FAM240B: variants seen among roughly 807,000 people sequenced by gnomAD.
FAM240B encodes family with sequence similarity 240 member B.
intron 1 of FAM240B, among the ~76,000 whole-genome samples, chr9:38,715,960 T>C (rs1298573851): frequency 6.6e-6 from 1 of 152,170 alleles, no homozygotes; most frequent in Non-Finnish European, 1.5e-5. Context: ...AACCAGGCTG[T>C]TCAATTTGAT....
At chr9:38,701,817 G>A (rs2119001883) in intron 2 of FAM240B, among the ~76,000 whole-genome samples, 1 of 152,210 alleles carries the variant, frequency 6.6e-6, no homozygotes, top group African/African-American at 2.4e-5. Context: ...TTGTTCTATG[G>A]ACAATTTGCA....
intron 1 of FAM240B, among the ~76,000 whole-genome samples, chr9:38,716,483 A>T (rs949755714): frequency 1.3e-5 from 2 of 151,230 alleles, no homozygotes; most frequent in Admixed American, 6.6e-5. Context: ...AAATAAAATA[A>T]TTTTTTTAAA....
intron 1 of FAM240B, 109 bp from the exon 2 acceptor site, chr9:38,704,111 T>C (rs1181904247): frequency 2.7e-6 from 1 of 370,178 alleles, no homozygotes; most frequent in Non-Finnish European, 4.8e-6. Context: ...ACACTTGTTT[T>C]TTTTTTTTTT....
chr9:38,697,513 C>T (rs978895886), intron 2 of FAM240B, among the ~76,000 whole-genome samples: 1 of 152,126 alleles, frequency 6.6e-6, no homozygotes, highest in East Asian at 1.9e-4. Flanking sequence ...TCTCTGGCTT[C>T]GTGGTGTGCT....
At chr9:38,696,747 G>A (rs1488231279) in intron 2 of FAM240B, among the ~76,000 whole-genome samples, 1 of 152,144 alleles carries the variant, frequency 6.6e-6, no homozygotes. Flanking sequence ...TTGGGAGGCG[G>A]AGGTTGCAGT....
chr9:38,709,448 C>T (rs540242916), intron 1 of FAM240B, among the ~76,000 whole-genome samples: 1 of 152,176 alleles, frequency 6.6e-6, no homozygotes, highest in Non-Finnish European at 1.5e-5. Context: ...TTACATTTCC[C>T]TGGCGGTATT....
At chr9:38,718,315 C>A (rs563311673) in intron 1 of FAM240B, among the ~76,000 whole-genome samples, 2 of 152,276 alleles carry the variant, frequency 1.3e-5, no homozygotes, top group East Asian at 3.9e-4. Context: ...AGTCCAGGTA[C>A]CCTGAAATGT....
chr9:38,710,389 C>T (rs913344551), intron 1 of FAM240B, among the ~76,000 whole-genome samples: 17 of 152,152 alleles, frequency 1.1e-4, no homozygotes, highest in African/African-American at 3.9e-4. Flanking sequence ...AAAGCAGGAG[C>T]AGGAAATTTA....
intron 1 of FAM240B, among the ~76,000 whole-genome samples, chr9:38,717,637 C>T (rs1221600603): frequency 3.9e-5 from 6 of 151,990 alleles, no homozygotes; most frequent in Admixed American, 1.3e-4. Context: ...CCCGCCGCCA[C>T]ACCCGGCTAA....
intron 2 of FAM240B, 127 bp downstream of exon 2, chr9:38,703,730 C>T (rs533924828): frequency 3.0e-5 from 12 of 396,382 alleles, no homozygotes; most frequent in African/African-American, 1.8e-4. Context: ...TTTATGCTTT[C>T]ATGTACAGCA....
At chr9:38,717,332 G>A (rs778444118) in intron 1 of FAM240B, among the ~76,000 whole-genome samples, 3 of 152,112 alleles carry the variant, frequency 2.0e-5, no homozygotes, top group African/African-American at 4.8e-5. Flanking sequence ...TGTAATCCCG[G>A]CATTTTGGGA....
At chr9:38,715,862 T>C (rs1344860811) in intron 1 of FAM240B, among the ~76,000 whole-genome samples, 1 of 152,090 alleles carries the variant, frequency 6.6e-6, no homozygotes, top group South Asian at 2.1e-4. Context: ...TGGGTGCACA[T>C]AGAGTCGAAA....
intron 1 of FAM240B, among the ~76,000 whole-genome samples, chr9:38,708,056 G>A (rs1587592079): frequency 1.3e-5 from 2 of 152,006 alleles, no homozygotes; most frequent in Non-Finnish European, 2.9e-5. Flanking sequence ...TGAAGGGCAC[G>A]TGCTCTGCTT....
At chr9:38,716,331 G>A (rs1821302466) in intron 1 of FAM240B, among the ~76,000 whole-genome samples, 1 of 152,112 alleles carries the variant, frequency 6.6e-6, no homozygotes, top group Non-Finnish European at 1.5e-5. Context: ...AATTAGCCAG[G>A]CATGGTGCCC....
At chr9:38,702,479 C>A (rs895094782) in intron 2 of FAM240B, among the ~76,000 whole-genome samples, 2 of 152,204 alleles carry the variant, frequency 1.3e-5, no homozygotes, top group Non-Finnish European at 2.9e-5. Context: ...TGTGAGCAGA[C>A]GTCCCAGCAA....
chr9:38,719,241 T>TC (rs202207830), intron 1 of FAM240B, among the ~76,000 whole-genome samples: 297 of 151,034 alleles, frequency 2.0e-3, no homozygotes, highest in Non-Finnish European at 3.1e-3. Context: ...TTTCTCTGCA[T>TC]CCCCCCCCAC....
intron 1 of FAM240B, among the ~76,000 whole-genome samples, chr9:38,706,573 T>C (rs577483501): frequency 4.5e-4 from 69 of 152,250 alleles, no homozygotes; most frequent in African/African-American, 1.3e-3. Flanking sequence ...AGCCGGCCCC[T>C]TTGGAGTATC....
chr9:38,711,239 C>G (rs1380586234), intron 1 of FAM240B, among the ~76,000 whole-genome samples: 1 of 152,208 alleles, frequency 6.6e-6, no homozygotes, highest in Non-Finnish European at 1.5e-5. Flanking sequence ...CAAACAAAAA[C>G]TAGACTCCCT....
rs759098508 is a variant in FAM240B, at chr9:38,694,279, A to G, written c.*497T>C. 1 of 152,436 alleles carries G rather than the reference A, an allele frequency of 6.6e-6. No homozygotes were observed. The highest frequency in any genetic ancestry group is 6.5e-5 in the Admixed American group (1 of 15,290). The allele number at this position is 152,436 out of a possible 1,614,324, so 9.4% of individuals were successfully genotyped here. On this transcript the variant is annotated 3_prime_UTR_variant, in exon 3 of 3. Transcript: ENST00000637493. Reference sequence around the variant, plus strand: ...CATATTGTTAAATTCTTTTTATAATAATAGCTTTATTTCTGCAAGCAGTTA... The same window carrying G: ...CATATTGTTAAATTCTTTTTATAATGATAGCTTTATTTCTGCAAGCAGTTA...
Sources: allele counts gnomAD v4.1 joint callset (sites outside exome capture counted in the v4.1 genomes callset), GRCh38; gene constraint gnomAD v4.1.1; transcripts MANE v1.5; gene names NCBI Gene and HGNC (gene_info 2026-07-23, HGNC 2026-07-21).